ENOX1: variants seen among roughly 807,000 people sequenced by gnomAD.
ENOX1 encodes the protein ecto-NOX disulfide-thiol exchanger 1.
A neutral mutation model predicts 82.5 loss-of-function variants in ENOX1; 42 were observed. That is an observed-to-expected ratio of 0.51 (90% confidence interval 0.40 to 0.66). The LOEUF is 0.66. ENOX1 is among the 30% of genes least tolerant of loss of function. The pLI, the probability that ENOX1 is intolerant of heterozygous loss-of-function variation, is 0.00. For synonymous variants in ENOX1, 271 were observed against 282.2 expected, an observed-to-expected ratio of 0.96 and a Z score of 0.40; for missense variants, 608 against 811.6, an observed-to-expected ratio of 0.75 and a Z score of 3.05.
chr13:43,213,944 C>T lies in ENOX1; in HGVS notation c.*46G>A, dbSNP rs1194438745. 3 of 1,599,300 alleles carry T rather than the reference C, an allele frequency of 1.9e-6. No individual in the cohort carries two copies. The highest frequency in any genetic ancestry group is 2.7e-5 in the African/African-American group (2 of 74,652). On this transcript the variant is annotated 3_prime_UTR_variant, in exon 17 of 17. Coordinates refer to ENST00000690772, the MANE Select transcript of ENOX1 (RefSeq NM_001347969.2). The stretch of plus-strand genomic sequence containing the variant: ...CTGCTTCCCCGTCGCACCGCCCTGG[C>T]CAGGTTCACATGGTTTCATTTCCAG...
At chr13:43,579,011 T>C (rs567155240) in intron 2 of ENOX1, among the ~76,000 whole-genome samples, 1 of 152,116 alleles carries the variant, frequency 6.6e-6, no homozygotes, top group South Asian at 2.1e-4. Flanking sequence ...TCATTTTTTT[T>C]TTCCTTCTGC....
chr13:43,726,389 G>T (rs1230270512), intron 1 of ENOX1, among the ~76,000 whole-genome samples: 2 of 151,850 alleles, frequency 1.3e-5, no homozygotes, highest in Non-Finnish European at 2.9e-5. Flanking sequence ...GCTAATTTTT[G>T]TATTTTTAGT....
chr13:43,407,960 G>A (rs2053898968), intron 5 of ENOX1, among the ~76,000 whole-genome samples: 1 of 152,226 alleles, frequency 6.6e-6, no homozygotes, highest in Admixed American at 6.5e-5. Context: ...TCACAGAACA[G>A]CCAGGACTTT....
chr13:43,470,387 C>CATATATAT lies in ENOX1; in HGVS notation c.-75+13621_-75+13622insATATATAT, dbSNP rs1566308507. ...ATACGTATATATATACATATATATA[C>CATATATAT]GTATATATATGTGTATATATATATA... is the stretch of plus-strand genomic sequence containing the variant. On this transcript the variant is annotated intron_variant, in intron 3 of 16. Transcript: ENST00000690772. Among the ~76,000 whole-genome samples, 40 of 51,486 alleles carry CATATATAT rather than the reference C, an allele frequency of 7.8e-4. 3 individuals carry two copies. The highest frequency in any genetic ancestry group is 1.3e-3 in the South Asian group (2 of 1,498). 33.8% of individuals were successfully genotyped at this position (51,486 alleles called of 152,430 possible). A position where few individuals can be genotyped will look rare whatever the true frequency, so the allele number is the denominator to read the frequency against.
intron 5 of ENOX1, among the ~76,000 whole-genome samples, chr13:43,406,789 G>A (rs9562484): frequency 0.12 from 17,544 of 152,016 alleles, 1,068 homozygotes; most frequent in East Asian, 0.25. Flanking sequence ...CACCGCGCCC[G>A]GCCAAGTATG....
At chr13:43,281,110 T>C (rs2045353871) in intron 12 of ENOX1, among the ~76,000 whole-genome samples, 1 of 152,146 alleles carries the variant, frequency 6.6e-6, no homozygotes, top group Admixed American at 6.6e-5. Flanking sequence ...AGTTTCCCCA[T>C]AGGCTTTCAA....
At chr13:43,339,934 T>A (rs1043664149) in intron 9 of ENOX1, among the ~76,000 whole-genome samples, 1 of 152,178 alleles carries the variant, frequency 6.6e-6, no homozygotes, top group Non-Finnish European at 1.5e-5. Flanking sequence ...AGCAAGTGTG[T>A]CAGTCACTGA....
At chr13:43,300,879 C>T (rs568974578) in intron 11 of ENOX1, among the ~76,000 whole-genome samples, 4 of 152,190 alleles carry the variant, frequency 2.6e-5, no homozygotes, top group Admixed American at 2.6e-4. Flanking sequence ...CAGAGACCTA[C>T]TCATAAAATC....
intron 6 of ENOX1, among the ~76,000 whole-genome samples, chr13:43,360,656 A>C (rs1279547560): frequency 6.6e-6 from 1 of 151,932 alleles, no homozygotes; most frequent in Non-Finnish European, 1.5e-5. Context: ...TAGATTACTA[A>C]AGCAATCTCC....
At chr13:43,317,176 T>C (rs970557110) in intron 11 of ENOX1, among the ~76,000 whole-genome samples, 9 of 152,256 alleles carry the variant, frequency 5.9e-5, no homozygotes, top group African/African-American at 2.2e-4. Flanking sequence ...TTTCAGTGTC[T>C]GAATTCTCTT....
intron 2 of ENOX1, among the ~76,000 whole-genome samples, chr13:43,588,561 A>G (rs2081096236): frequency 6.6e-6 from 1 of 152,226 alleles, no homozygotes; most frequent in African/African-American, 2.4e-5. Context: ...AATATAGGGA[A>G]GTTGAGGTTG....
intron 2 of ENOX1, among the ~76,000 whole-genome samples, chr13:43,515,336 A>G (rs1199633867): frequency 6.6e-6 from 1 of 152,188 alleles, no homozygotes; most frequent in Admixed American, 6.5e-5. Flanking sequence ...CTGCATTTTA[A>G]TGAGGTCCCT....
At chr13:43,755,686 C>G (rs1427275439) in intron 1 of ENOX1, among the ~76,000 whole-genome samples, 2 of 152,220 alleles carry the variant, frequency 1.3e-5, no homozygotes, top group African/African-American at 4.8e-5. Flanking sequence ...TCCTCCCACA[C>G]TTTTCTCCTC....
At chr13:43,246,685 AG>A (rs2043098145) in intron 14 of ENOX1, among the ~76,000 whole-genome samples, 1 of 152,186 alleles carries the variant, frequency 6.6e-6, no homozygotes, top group Admixed American at 6.5e-5. Context: ...GGATGTGGGT[AG>A]GGGAAGGCCA....
intron 2 of ENOX1, among the ~76,000 whole-genome samples, chr13:43,519,759 G>A (rs926742588): frequency 5.9e-5 from 9 of 152,088 alleles, no homozygotes; most frequent in African/African-American, 1.7e-4. Context: ...AATCCCCTGC[G>A]ATCCTCTCTG....
At chr13:43,703,715 GT>G (rs997969769) in intron 1 of ENOX1, among the ~76,000 whole-genome samples, 4 of 152,020 alleles carry the variant, frequency 2.6e-5, no homozygotes, top group South Asian at 2.1e-4. Flanking sequence ...TACCTGTTTT[GT>G]TTCCCCTAAT....
chr13:43,452,582 G>T (rs577987973), intron 3 of ENOX1, among the ~76,000 whole-genome samples: 2 of 152,194 alleles, frequency 1.3e-5, no homozygotes, highest in East Asian at 3.9e-4. Context: ...GTGTGCAGTG[G>T]CATGATCTCA....
chr13:43,672,687 G>C (rs997615940), intron 1 of ENOX1, among the ~76,000 whole-genome samples: 1 of 151,978 alleles, frequency 6.6e-6, no homozygotes, highest in African/African-American at 2.4e-5. Context: ...CAACAAACAG[G>C]GGTTCTAATA....
intron 2 of ENOX1, among the ~76,000 whole-genome samples, chr13:43,627,478 AT>A (rs1299861989): frequency 6.6e-6 from 1 of 152,034 alleles, no homozygotes; most frequent in Admixed American, 6.6e-5. Flanking sequence ...GTCTATTAGT[AT>A]CATTTTATCA....
Sources: allele counts gnomAD v4.1 joint callset (sites outside exome capture counted in the v4.1 genomes callset), GRCh38; gene constraint gnomAD v4.1.1; transcripts MANE v1.5; gene names NCBI Gene and HGNC (gene_info 2026-07-23, HGNC 2026-07-21).